Variants in SERPINI1 observed in about 807,000 individuals in gnomAD.
SERPINI1 encodes serpin family I member 1.
SERPINI1 carries 19 observed loss-of-function variants against 41.1 expected under a neutral mutation model. That is an observed-to-expected ratio of 0.46 (90% CI 0.32 to 0.68). The LOEUF is 0.68. Ranked by LOEUF, SERPINI1 falls within the 30% of genes least tolerant of loss-of-function variation. The pLI, the probability that SERPINI1 is intolerant of heterozygous loss-of-function variation, is 0.03. For missense variants in SERPINI1, 460 were observed against 479.2 expected (o/e 0.96, Z 0.37); for synonymous variants, 138 against 156.6 (o/e 0.88, Z 0.89).
chr3:167,765,949 C>G (rs1319957994), intron 1 of SERPINI1, among the ~76,000 whole-genome samples: 2 of 152,148 alleles, frequency 1.3e-5, no homozygotes, highest in African/African-American at 2.4e-5. Flanking sequence ...CCATCTGAGA[C>G]CACCCCAGCC....
intron 1 of SERPINI1, among the ~76,000 whole-genome samples, chr3:167,748,153 T>A (rs1052058842): frequency 2.0e-5 from 3 of 152,004 alleles, no homozygotes; most frequent in African/African-American, 7.2e-5. Flanking sequence ...AACAAATATA[T>A]TGCAGTTATC....
chr3:167,761,699 A>G (rs1726387908), intron 1 of SERPINI1, among the ~76,000 whole-genome samples: 1 of 152,228 alleles, frequency 6.6e-6, no homozygotes, highest in Non-Finnish European at 1.5e-5. Context: ...AAACGTAGTT[A>G]TGACCCTTCT....
rs1438144283 is a variant in SERPINI1 at position 167,789,393 on chromosome 3, G to A, written c.250+15G>A. ...CCTAAAAAATGGTAAGAGTGATCAG[G>A]TTTGATTTCTCAAGACTTTTGAATT... On this transcript the variant is annotated intron_variant, in intron 2 of 8. Transcript: ENST00000446050. 8 of 1,613,882 alleles carry A rather than the reference G, an allele frequency of 5.0e-6. No homozygotes were observed. In the South Asian group the frequency reaches 7.7e-5, roughly 16 times the overall value.
intron 6 of SERPINI1, 32 bp from the exon 7 acceptor site, chr3:167,822,954 A>G (rs1191479156): frequency 1.2e-6 from 1 of 845,448 alleles, no homozygotes; most frequent in Non-Finnish European, 1.8e-6. Flanking sequence ...TCTCTGAATG[A>G]AAAAAAAAAA....
In SERPINI1 at chr3:167,792,735, A is replaced by C; in HGVS notation, c.627A>C (p.Glu209Asp). ...CCTTTTCTTTCACTAAAGATGATGA[A>C]AGTGAAGTCCAAATTCCAATGATGT... ...TRTFSFTKDD[E>D]SEVQIPMMYQ... The change falls in exon 4 of 9, where the codon GAA becomes GAC. Residue 209 changes from glutamate (E) to aspartate (D), a missense_variant. Transcript: ENST00000446050. The C allele has an allele frequency of 6.2e-7, 1 of 1,613,878 alleles. No homozygotes were observed. The highest frequency in any genetic ancestry group is 8.5e-7 in the Non-Finnish European group (1 of 1,179,886).
At chr3:167,821,826 A>T (rs1382478182) in intron 6 of SERPINI1, among the ~76,000 whole-genome samples, 2 of 152,204 alleles carry the variant, frequency 1.3e-5, no homozygotes, top group East Asian at 3.8e-4. Context: ...AGAGAGAAAA[A>T]TTTTAAGGAA....
At chr3:167,745,232 G>T (rs954867802) in intron 1 of SERPINI1, among the ~76,000 whole-genome samples, 3 of 151,696 alleles carry the variant, frequency 2.0e-5, no homozygotes, top group African/African-American at 7.3e-5. Flanking sequence ...CCATGATCCA[G>T]TAAGTTTTAT....
chr3:167,748,444 C>T (rs1210798870), intron 1 of SERPINI1, among the ~76,000 whole-genome samples: 1 of 152,138 alleles, frequency 6.6e-6, no homozygotes, highest in African/African-American at 2.4e-5. Context: ...AGCCATGAGC[C>T]TATTTATGTC....
intron 1 of SERPINI1, among the ~76,000 whole-genome samples, chr3:167,785,013 C>T (rs1177342151): frequency 1.3e-5 from 2 of 152,026 alleles, no homozygotes; most frequent in South Asian, 2.1e-4. Flanking sequence ...GAGGCCGAGG[C>T]GGGTGGATCA....
At chr3:167,760,222 GCTTCTGGCAAACTTAAAT>G (rs1726335208) in intron 1 of SERPINI1, among the ~76,000 whole-genome samples, 2 of 152,042 alleles carry the variant, frequency 1.3e-5, no homozygotes, top group Non-Finnish European at 2.9e-5. Flanking sequence ...TTAAAATTCT[GCTTCTGGCAAACTTAAAT>G]TAGTTATGAT....
intron 1 of SERPINI1, among the ~76,000 whole-genome samples, chr3:167,748,841 T>G (rs1725950628): frequency 6.6e-6 from 1 of 151,702 alleles, no homozygotes; most frequent in South Asian, 2.1e-4. Context: ...CATGCTCTGT[T>G]GTCTTACACT....
intron 1 of SERPINI1, among the ~76,000 whole-genome samples, chr3:167,762,064 C>G (rs555482544): frequency 2.6e-5 from 4 of 152,150 alleles, no homozygotes; most frequent in Admixed American, 6.5e-5. Flanking sequence ...CCCTTGGTCT[C>G]GATGAAGGAC....
intron 1 of SERPINI1, among the ~76,000 whole-genome samples, chr3:167,741,771 C>T (rs1725683719): frequency 6.6e-6 from 1 of 152,184 alleles, no homozygotes; most frequent in South Asian, 2.1e-4. Flanking sequence ...TCCTAAATTG[C>T]TTACAGATGT....
intron 6 of SERPINI1, among the ~76,000 whole-genome samples, chr3:167,819,976 A>C (rs1296287710): frequency 6.6e-6 from 1 of 152,194 alleles, no homozygotes; most frequent in Non-Finnish European, 1.5e-5. Flanking sequence ...TTCTTAGGGA[A>C]AAGTTGAAAC....
At chr3:167,776,434 G>C (rs1001256577) in intron 1 of SERPINI1, among the ~76,000 whole-genome samples, 5 of 152,122 alleles carry the variant, frequency 3.3e-5, no homozygotes, top group Non-Finnish European at 7.4e-5. Context: ...CTTTCCCCAG[G>C]CTTTTAACCA....
At chr3:167,817,834 T>C (rs1037964234) in intron 6 of SERPINI1, among the ~76,000 whole-genome samples, 2 of 151,680 alleles carry the variant, frequency 1.3e-5, no homozygotes, top group African/African-American at 4.8e-5. Flanking sequence ...CTCCTGACCT[T>C]GTAATCTGCC....
Position 167,824,549 on chromosome 3 carries a change from A to G in SERPINI1, c.1143A>G (p.Arg381=). 1 of 1,611,676 alleles carries G rather than the reference A, an allele frequency of 6.2e-7. No homozygotes were observed. Among genetic ancestry groups the G allele is most frequent in the Non-Finnish European group, 8.5e-7 (1 of 1,178,046 alleles). Residue 381 remains arginine (R), a synonymous_variant, in exon 8 of 9, where the codon AGA becomes AGG. Coordinates refer to ENST00000446050, the MANE Select transcript of SERPINI1 (RefSeq NM_001122752.2). ...IVDHPFFFLI[R]NRRTGTILFM... is the part of the protein sequence containing the mutation. Reference sequence around the variant, plus strand: ...ACCATCCATTTTTCTTTCTTATCAGAAACAGGAGAACTGGTAAGTTTATTA... The same window carrying G: ...ACCATCCATTTTTCTTTCTTATCAGGAACAGGAGAACTGGTAAGTTTATTA...
chr3:167,797,853 T>C (rs1285080235), intron 5 of SERPINI1, among the ~76,000 whole-genome samples: 3 of 152,154 alleles, frequency 2.0e-5, no homozygotes, highest in South Asian at 2.1e-4. Context: ...TAAATTACTA[T>C]GTAAATCAGG....
intron 5 of SERPINI1, among the ~76,000 whole-genome samples, chr3:167,802,861 A>G (rs1711503704): frequency 6.6e-6 from 1 of 150,732 alleles, no homozygotes; most frequent in African/African-American, 2.5e-5. Flanking sequence ...ACAATAGCAA[A>G]GACTTGGAAC....
Sources: allele counts gnomAD v4.1 joint callset (sites outside exome capture counted in the v4.1 genomes callset), GRCh38; gene constraint gnomAD v4.1.1; transcripts MANE v1.5; gene names NCBI Gene and HGNC (gene_info 2026-07-23, HGNC 2026-07-21).